MAP2K7: variants seen among roughly 807,000 people sequenced by gnomAD.
The protein encoded by MAP2K7 is mitogen-activated protein kinase kinase 7, also known as dual specificity mitogen-activated protein kinase kinase 7.
MAP2K7 carries 12 observed loss-of-function variants against 47.7 expected under a neutral mutation model. That is an observed-to-expected ratio of 0.25 (90% CI 0.16 to 0.41). The LOEUF (loss-of-function observed/expected upper bound fraction) is 0.41, where lower values mean the gene tolerates loss of function less well. Among genes scored for constraint, MAP2K7 ranks in the 10% least tolerant of loss-of-function variants. The pLI, the probability that MAP2K7 is intolerant of heterozygous loss-of-function variation, is 1.00. For missense variants in MAP2K7, 415 were observed against 600.3 expected (o/e 0.69, Z 3.23); for synonymous variants, 299 against 243.0 (o/e 1.23, Z -2.14).
intron 1 of MAP2K7, 33 bp from the exon 2 acceptor site, chr19:7,909,722 C>G (rs1285257639): frequency 7.0e-7 from 1 of 1,438,520 alleles, no homozygotes; most frequent in South Asian, 1.3e-5. Flanking sequence ...GGGCGCTGAC[C>G]CCCCTCCCTG....
chr19:7,905,076 AG>A (rs1982359483), intron 1 of MAP2K7, among the ~76,000 whole-genome samples: 1 of 151,298 alleles, frequency 6.6e-6, no homozygotes, highest in Non-Finnish European at 1.5e-5. Flanking sequence ...TTTTTCCCCA[AG>A]ATCCTGGTCT....
intron 1 of MAP2K7, among the ~76,000 whole-genome samples, chr19:7,907,474 G>T (rs1982540040): frequency 6.6e-6 from 1 of 152,212 alleles, no homozygotes; most frequent in Non-Finnish European, 1.5e-5. Flanking sequence ...GCAGACACGT[G>T]CCCTCCAGCC....
In MAP2K7 at chr19:7,909,787, A is replaced by G. The variant is rs1484368982; in HGVS notation, c.157A>G (p.Ser53Gly). ...GCTCCCGCTGGCCAACGATGGGGGCAGCCGCTCGCCATCCTCAGAGAGCTC... is the reference window on the plus strand; with the variant it reads ...GCTCCCGCTGGCCAACGATGGGGGCGGCCGCTCGCCATCCTCAGAGAGCTC... ...LQLPLANDGGSRSPSSESSPQ... is the reference protein window; with the variant it reads ...LQLPLANDGGGRSPSSESSPQ... The change falls in exon 2 of 11, where the codon AGC becomes GGC. Residue 53 changes from serine to glycine, a missense_variant. Physicochemically the swap from Ser to Gly is moderately conservative, Grantham distance 56. Coordinates refer to ENST00000397979, the MANE Select transcript of MAP2K7 (RefSeq NM_145185.4). 6.5e-7 allele frequency: 1 copy of G among 1,542,290 alleles called. No homozygotes were observed. The highest frequency in any genetic ancestry group is 1.2e-5 in the South Asian group (1 of 83,790).
At chr19:7,904,166 G>A (rs1180868410) in intron 1 of MAP2K7, 98 bp downstream of exon 1, 4 of 1,022,848 alleles carry the variant, frequency 3.9e-6, no homozygotes, top group Admixed American at 4.8e-5. Flanking sequence ...CCCGCTTCCG[G>A]GGCGCTCGCT....
chr19:7,910,972 G>A lies in MAP2K7; in HGVS notation c.676-8G>A, dbSNP rs764734257. On this transcript the variant is annotated splice_region_variant and splice_polypyrimidine_tract_variant and intron_variant, in intron 6 of 10. Coordinates refer to ENST00000397979, the MANE Select transcript of MAP2K7 (RefSeq NM_145185.4). The stretch of plus-strand genomic sequence containing the variant: ...CTGCCACATGCACCCCCCTCTGCGT[G>A]CCTGCAGATTGTGAAGGCGCTGTAC... 6.2e-7 allele frequency: 1 copy of A among 1,604,534 alleles called. No individual in the cohort carries two copies. The highest frequency in any genetic ancestry group is 8.5e-7 in the Non-Finnish European group (1 of 1,173,322).
Position 7,909,778 on chromosome 19 carries a change from G to A in MAP2K7, c.148G>A (p.Asp50Asn), listed in dbSNP as rs778375800. 1,253 of 1,541,584 alleles carry A rather than the reference G, an allele frequency of 8.1e-4. 1 individual carries two copies. Among genetic ancestry groups the A allele is most frequent in the Non-Finnish European group, 9.9e-4 (1,132 of 1,145,860 alleles). ...RPTLQLPLAN[D>N]GGSRSPSSES... Reference sequence around the variant, plus strand: ...AGCCCTGCAGCTCCCGCTGGCCAACGATGGGGGCAGCCGCTCGCCATCCTC... The same window carrying A: ...AGCCCTGCAGCTCCCGCTGGCCAACAATGGGGGCAGCCGCTCGCCATCCTC... The change falls in exon 2 of 11, where the codon GAT becomes AAT. Residue 50 changes from aspartate to asparagine, a missense_variant. Asp to Asn is a conservative substitution (Grantham distance 23). Transcript: ENST00000397979.
Position 7,912,309 on chromosome 19 carries a change from A to T in MAP2K7, c.1138A>T (p.Ile380Phe), listed in dbSNP as rs1312906351. 3.7e-6 allele frequency: 6 copies of T among 1,613,644 alleles called. No individual in the cohort carries two copies. The highest frequency in any genetic ancestry group is 5.1e-6 in the Non-Finnish European group (6 of 1,179,966). The change falls in exon 11 of 11, where the codon ATC (isoleucine) becomes TTC (phenylalanine). Residue 380 changes from isoleucine (I) to phenylalanine (F), a missense_variant. Ile to Phe is a conservative substitution (Grantham distance 21). Coordinates refer to ENST00000397979, the MANE Select transcript of MAP2K7 (RefSeq NM_145185.4). ...CTCGGGCCCACAGGAACACAGCTTCATCAAGCGCTACGAGACGCTGGAGGT... is the reference window on the plus strand; with the variant it reads ...CTCGGGCCCACAGGAACACAGCTTCTTCAAGCGCTACGAGACGCTGGAGGT... ...KYNKLLEHSFIKRYETLEVDV... is the reference protein window; with the variant it reads ...KYNKLLEHSFFKRYETLEVDV...
In MAP2K7 at chr19:7,911,290, A is replaced by G. The variant is rs1425924011; in HGVS notation, c.896A>G (p.Tyr299Cys). ...CCCCCAGACCCCACCAAGCCGGACT[A>G]TGACATCCGGGCCGACGTATGGAGC... ...IDPPDPTKPD[Y>C]DIRADVWSLG... The change falls in exon 8 of 11, where the codon TAT (tyrosine) becomes TGT (cysteine). Residue 299 changes from tyrosine to cysteine, a missense_variant. By Grantham distance (194) the Tyr-to-Cys change is radical. Coordinates refer to ENST00000397979, the MANE Select transcript of MAP2K7 (RefSeq NM_145185.4). 6.2e-7 allele frequency: 1 copy of G among 1,613,046 alleles called. No homozygotes were observed. The highest frequency in any genetic ancestry group is 8.5e-7 in the Non-Finnish European group (1 of 1,179,890).
At chr19:7,910,647 G>A in intron 5 of MAP2K7, 49 bp from the exon 6 acceptor site, 1 of 1,608,574 alleles carries the variant, frequency 6.2e-7, no homozygotes, top group Non-Finnish European at 8.5e-7. Flanking sequence ...AGAGCCTCTG[G>A]GGGGTGGGCC....
At position 7,912,867 on chromosome 19, in the gene MAP2K7, C is replaced by T. The variant is rs936408226; in HGVS notation, c.*436C>T. The stretch of plus-strand genomic sequence containing the variant: ...CCCTGCTCTACCTCTCTGTCCTTGT[C>T]TGGCTCTCCCGTCACCCTCCCTGCC... On this transcript the variant is annotated 3_prime_UTR_variant, in exon 11 of 11. Coordinates refer to ENST00000397979, the MANE Select transcript of MAP2K7 (RefSeq NM_145185.4). 5.3e-6 allele frequency: 1 copy of T among 189,460 alleles called. No homozygotes were observed. Among genetic ancestry groups the T allele is most frequent in the Non-Finnish European group, 1.1e-5 (1 of 90,002 alleles). 11.7% of individuals were successfully genotyped at this position (189,460 alleles called of 1,614,324 possible). A position where few individuals can be genotyped will look rare whatever the true frequency, so the allele number is the denominator to read the frequency against.
chr19:7,913,226 A>G lies in MAP2K7; in HGVS notation c.*795A>G, dbSNP rs1477569920. The G allele has an allele frequency of 4.0e-5, 6 of 151,802 alleles. No individual in the cohort carries two copies. The highest frequency in any genetic ancestry group is 2.0e-4 in the Admixed American group (3 of 15,244). 9.4% of individuals were successfully genotyped at this position (151,802 alleles called of 1,614,324 possible). A position where few individuals can be genotyped will look rare whatever the true frequency, so the allele number is the denominator to read the frequency against. The stretch of plus-strand genomic sequence containing the variant: ...ATTAGCTGCTTGTGGTGGGGCCCCA[A>G]CCGCCCTCGGGCACTGGGGAGCTGG... On this transcript the variant is annotated 3_prime_UTR_variant, in exon 11 of 11. Transcript: ENST00000397979.
intron 1 of MAP2K7, among the ~76,000 whole-genome samples, chr19:7,904,987 C>T (rs1286807569): frequency 3.3e-5 from 5 of 151,648 alleles, no homozygotes; most frequent in Non-Finnish European, 4.4e-5. Flanking sequence ...ACCTCCCTGA[C>T]ACCTTGTCAT....
At chr19:7,907,633 C>T (rs571851094) in intron 1 of MAP2K7, among the ~76,000 whole-genome samples, 1 of 152,204 alleles carries the variant, frequency 6.6e-6, no homozygotes, top group African/African-American at 2.4e-5. Context: ...TACCTGAACC[C>T]TCCCTTCCAT....
Position 7,912,290 on chromosome 19 carries a change from C to T in MAP2K7, c.1126-7C>T. ...TCCTCCTAAGCCCCACCCCCTCGGG[C>T]CCACAGGAACACAGCTTCATCAAGC... On this transcript the variant is annotated splice_region_variant and splice_polypyrimidine_tract_variant and intron_variant, in intron 10 of 10. Transcript: ENST00000397979. 6.2e-7 allele frequency: 1 copy of T among 1,613,628 alleles called. No homozygotes were observed. Among genetic ancestry groups the T allele is most frequent in the East Asian group, 2.2e-5 (1 of 44,870 alleles).
At position 7,904,063 on chromosome 19, in the gene MAP2K7, G is replaced by A; in HGVS notation, c.119G>A (p.Arg40Lys). 2 of 1,152,764 alleles carry A rather than the reference G, an allele frequency of 1.7e-6. No individual in the cohort carries two copies. Among genetic ancestry groups the A allele is most frequent in the Non-Finnish European group, 2.2e-6 (2 of 894,794 alleles). The allele number at this position is 1,152,764 out of a possible 1,614,324, so 71.4% of individuals were successfully genotyped here. A position where few individuals can be genotyped will look rare whatever the true frequency, so the allele number is the denominator to read the frequency against. ...LNLDISPQRP[R>K]PTLQLPLAND... The stretch of plus-strand genomic sequence containing the variant: ...CTGGATATCAGCCCCCAGCGGCCCA[G>A]GCCCAGTAAGCACGGCGGCGTGGGG... Residue 40 changes from arginine (R) to lysine (K), a missense_variant, in exon 1 of 11, where the codon AGG (arginine) becomes AAG (lysine). By Grantham distance (26) the Arg-to-Lys change is conservative. Transcript: ENST00000397979.
At chr19:7,908,635 C>T (rs373222876) in intron 1 of MAP2K7, among the ~76,000 whole-genome samples, 1 of 152,100 alleles carries the variant, frequency 6.6e-6, no homozygotes, top group South Asian at 2.1e-4. Flanking sequence ...CGGCAGGCCC[C>T]AGCTCCTGTG....
At chr19:7,905,511 A>G (rs751933179) in intron 1 of MAP2K7, among the ~76,000 whole-genome samples, 14 of 152,084 alleles carry the variant, frequency 9.2e-5, no homozygotes, top group Admixed American at 2.0e-4. Context: ...CCCTGAGTGG[A>G]TGAGACAGGG....
intron 1 of MAP2K7, chr19:7,905,909 C>CTGCCCCGGCCGCAGAATGGCG (rs1982419596): frequency 4.5e-6 from 7 of 1,540,918 alleles, no homozygotes; most frequent in Non-Finnish European, 6.3e-6. Context: ...GACCTAACCG[C>CTGCCCCGGCCGCAGAATGGCG]TGCCCCGGCC....
intron 1 of MAP2K7, chr19:7,905,798 C>T: frequency 6.3e-7 from 1 of 1,584,894 alleles, no homozygotes; most frequent in African/African-American, 1.4e-5. Context: ...TCTTCCTTTT[C>T]CCCATCCAGT....
Sources: gnomAD v4.1 joint callset for allele counts (sites outside exome capture counted in the v4.1 genomes callset) on GRCh38, gnomAD v4.1.1 for gene constraint, MANE v1.5 for transcripts, NCBI Gene and HGNC (gene_info 2026-07-23, HGNC 2026-07-21) for gene names.